Variants in ABL2 observed in about 807,000 individuals in gnomAD.
ABL2 encodes tyrosine-protein kinase ABL2.
Under a neutral mutation model 107.7 loss-of-function variants are expected in ABL2, and 49 were observed. The ratio of observed to expected loss-of-function variants is 0.45; its 90% confidence interval spans 0.36 to 0.58. ABL2 has a LOEUF of 0.58. Among genes scored for constraint, ABL2 ranks in the 20% least tolerant of loss-of-function variants. The probability of loss-of-function intolerance (pLI) is 0.00; values close to 1 mark genes in which losing one functional copy is unlikely to be tolerated. For missense variants in ABL2, 1,245 were observed against 1,457.0 expected, an observed-to-expected ratio of 0.85 and a Z score of 2.37; for synonymous variants, 549 against 548.6, an observed-to-expected ratio of 1.00 and a Z score of -0.01.
chr1:179,180,185 A>G (rs981486137), intron 1 of ABL2, among the ~76,000 whole-genome samples: 3 of 152,080 alleles, frequency 2.0e-5, no homozygotes, highest in African/African-American at 4.8e-5. Context: ...AGGACAGGCT[A>G]TATTTACAGG....
intron 1 of ABL2, among the ~76,000 whole-genome samples, chr1:179,200,293 T>C (rs1345215832): frequency 6.6e-6 from 1 of 152,080 alleles, no homozygotes; most frequent in African/African-American, 2.4e-5. Context: ...GTGATCTGCC[T>C]GCCTCAGCCT....
At chr1:179,117,211 TGAA>T (rs952095609) in intron 8 of ABL2, 118 bp downstream of exon 8, 22 of 1,017,052 alleles carry the variant, frequency 2.2e-5, no homozygotes, top group East Asian at 5.0e-5. Context: ...GCTGAATAAC[TGAA>T]GAAGAATGGC....
chr1:179,224,162 C>T (rs1050788941), intron 1 of ABL2, among the ~76,000 whole-genome samples: 1 of 121,892 alleles, frequency 8.2e-6, no homozygotes, highest in African/African-American at 3.0e-5. Context: ...AAAAAAACTA[C>T]AGATCCAAAA....
intron 4 of ABL2, among the ~76,000 whole-genome samples, chr1:179,124,677 G>A (rs975550111): frequency 2.0e-5 from 3 of 151,746 alleles, no homozygotes; most frequent in African/African-American, 4.8e-5. Context: ...CCATGTTTGT[G>A]GGGCTGACAT....
chr1:179,141,639 T>C (rs1176791190), intron 1 of ABL2, among the ~76,000 whole-genome samples: 1 of 152,224 alleles, frequency 6.6e-6, no homozygotes, highest in African/African-American at 2.4e-5. Context: ...ATTCCCCTTC[T>C]TCCCGTCTCT....
chr1:179,103,751 C>T lies in ABL2; in HGVS notation c.*3967G>A. On this transcript the variant is annotated 3_prime_UTR_variant, in exon 12 of 12. Coordinates refer to ENST00000502732, the MANE Select transcript of ABL2 (RefSeq NM_007314.4). The stretch of plus-strand genomic sequence containing the variant: ...ATTGTCGGTCTGAGCCACTTTTTTG[C>T]AGTGTCTCACATGGCAGCAGGTATG... 1 of 228,862 alleles carries T rather than the reference C, an allele frequency of 4.4e-6. No individual in the cohort carries two copies. 14.2% of individuals were successfully genotyped at this position (228,862 alleles called of 1,614,324 possible). A position where few individuals can be genotyped will look rare whatever the true frequency, so the allele number is the denominator to read the frequency against.
chr1:179,215,902 C>T (rs1387057711), intron 1 of ABL2, among the ~76,000 whole-genome samples: 1 of 152,086 alleles, frequency 6.6e-6, no homozygotes, highest in Non-Finnish European at 1.5e-5. Context: ...AGTCCTAACT[C>T]AGTACTGTTT....
At position 179,110,281 on chromosome 1, in the gene ABL2, C is replaced by T. The variant is rs56004467; in HGVS notation, c.1825+1G>A. 5.7e-4 allele frequency: 927 copies of T among 1,614,188 alleles called. 1 individual carries two copies. The highest frequency in any genetic ancestry group is 7.4e-4 in the Non-Finnish European group (872 of 1,180,030). The stretch of plus-strand genomic sequence containing the variant: ...GATTCTACCTGCTAAGGGACCCATA[C>T]CTGGTGCTAAACTGGAAGCAGAATT... On this transcript the variant is annotated splice_donor_variant, in intron 11 of 11. Coordinates refer to ENST00000502732, the MANE Select transcript of ABL2 (RefSeq NM_007314.4). LOFTEE classifies it high-confidence loss of function.
At chr1:179,163,410 CA>C (rs1659192193) in intron 1 of ABL2, among the ~76,000 whole-genome samples, 1 of 152,176 alleles carries the variant, frequency 6.6e-6, no homozygotes, top group Non-Finnish European at 1.5e-5. Flanking sequence ...TAAGTTCACA[CA>C]AAAACCTGAA....
intron 1 of ABL2, among the ~76,000 whole-genome samples, chr1:179,182,457 C>T (rs1423119097): frequency 6.6e-6 from 1 of 151,648 alleles, no homozygotes; most frequent in Non-Finnish European, 1.5e-5. Context: ...TAATAGCTTC[C>T]TTTCTTACTA....
intron 1 of ABL2, among the ~76,000 whole-genome samples, chr1:179,225,063 T>C (rs1571353457): frequency 6.6e-6 from 1 of 152,000 alleles, no homozygotes; most frequent in Non-Finnish European, 1.5e-5. Context: ...ACAAAAAAAA[T>C]AGCAGATCTC....
At chr1:179,131,565 C>G in intron 2 of ABL2, 84 bp from the exon 3 acceptor site, 1 of 1,393,906 alleles carries the variant, frequency 7.2e-7, no homozygotes, top group Non-Finnish European at 1.0e-6. Flanking sequence ...CACAGTATTT[C>G]AGCTGCTGGC....
Position 179,110,965 on chromosome 1 carries a change from T to C in ABL2, c.1652-510A>G, listed in dbSNP as rs973543685. 4.9e-6 allele frequency: 7 copies of C among 1,416,552 alleles called. No individual in the cohort carries two copies. The Admixed American group carries it at 8.7e-5, about 18-fold the overall frequency. The allele number at this position is 1,416,552 out of a possible 1,614,324, so 87.7% of individuals were successfully genotyped here. A position where few individuals can be genotyped will look rare whatever the true frequency, so the allele number is the denominator to read the frequency against. On this transcript the variant is annotated intron_variant, in intron 10 of 11. Coordinates refer to ENST00000502732, the MANE Select transcript of ABL2 (RefSeq NM_007314.4). ...ACTCTGCATGCTTGCTAAAATTTGA[T>C]GTTATTATTTTTGGCTTTTTTTTTT...
At chr1:179,215,655 A>G (rs1045837757) in intron 1 of ABL2, among the ~76,000 whole-genome samples, 8 of 152,050 alleles carry the variant, frequency 5.3e-5, no homozygotes, top group African/African-American at 1.9e-4. Flanking sequence ...AGATCATGCC[A>G]CTGCACTCCA....
intron 1 of ABL2, among the ~76,000 whole-genome samples, chr1:179,171,309 A>C (rs780482325): frequency 2.0e-5 from 3 of 152,196 alleles, no homozygotes; most frequent in Non-Finnish European, 4.4e-5. Flanking sequence ...CTAGATACTA[A>C]TGGGAATACA....
chr1:179,112,547 C>T (rs1350543709), intron 9 of ABL2, 149 bp from the exon 10 acceptor site: 5 of 567,790 alleles, frequency 8.8e-6, no homozygotes, highest in Non-Finnish European at 1.5e-5. Flanking sequence ...AGCCACTTCT[C>T]AGCTCTAGAC....
chr1:179,143,290 C>T (rs968297503), intron 1 of ABL2, among the ~76,000 whole-genome samples: 39 of 152,118 alleles, frequency 2.6e-4, no homozygotes, highest in African/African-American at 8.5e-4. Flanking sequence ...TCTGAGAACA[C>T]TTTTAAAATG....
intron 1 of ABL2, among the ~76,000 whole-genome samples, chr1:179,158,504 A>T (rs1029098901): frequency 2.0e-5 from 3 of 152,164 alleles, no homozygotes; most frequent in Non-Finnish European, 4.4e-5. Flanking sequence ...GACTATCACA[A>T]CCAGAAAGTT....
intron 1 of ABL2, 71 bp downstream of exon 1, chr1:179,229,170 G>GGCCCCCCCCCCCCCCCCCCCCCCC: frequency 1.1e-5 from 3 of 266,254 alleles, no homozygotes; most frequent in Non-Finnish European, 2.0e-5. Context: ...CAGCCCGTCC[G>GGCCCCCCCCCCCCCCCCCCCCCCC]CCACCCACCC....
Sources: gnomAD v4.1 joint callset for allele counts (sites outside exome capture counted in the v4.1 genomes callset) on GRCh38, gnomAD v4.1.1 for gene constraint, MANE v1.5 for transcripts, NCBI Gene and HGNC (gene_info 2026-07-23, HGNC 2026-07-21) for gene names.